The following INPP5D variants were observed in gnomAD, a reference collection of about 807,000 sequenced individuals.
INPP5D encodes the protein inositol polyphosphate-5-phosphatase D, also known as phosphatidylinositol 3,4,5-trisphosphate 5-phosphatase 1.
INPP5D carries 33 observed loss-of-function variants against 122.9 expected under a neutral mutation model. That is an observed-to-expected ratio of 0.27 (90% CI 0.20 to 0.36). The LOEUF (loss-of-function observed/expected upper bound fraction) is 0.36, where lower values mean the gene tolerates loss of function less well. Ranked by LOEUF, INPP5D falls within the 10% of genes least tolerant of loss-of-function variation. INPP5D has a pLI of 1.00. For synonymous variants in INPP5D, 584 were observed against 576.2 expected (o/e 1.01, Z -0.19); for missense variants, 1,053 against 1,412.7 (o/e 0.75, Z 4.08).
Position 233,078,677 on chromosome 2 carries a change from T to TTTTTGTTTTG in INPP5D, c.135-642_135-633dup, listed in dbSNP as rs376630143. The stretch of plus-strand genomic sequence containing the variant: ...CAAACACCCCCTCTTTTTTGTTGTT[T>TTTTTGTTTTG]TTTTGTTTTGTTTTGTTTTGTTTTG... On this transcript the variant is annotated intron_variant, in intron 1 of 26. Transcript: ENST00000445964. This position sits in a 1 kb window ranked among gnomAD's most constrained non-coding sequence, Gnocchi z 4.6. Among the ~76,000 whole-genome samples the TTTTTGTTTTG allele has an allele frequency of 1.3e-5, 2 of 151,500 alleles. No individual in the cohort carries two copies. Among genetic ancestry groups the TTTTTGTTTTG allele is most frequent in the Non-Finnish European group, 2.9e-5 (2 of 67,924 alleles).
At chr2:233,137,853 AATATATATATAT>A (rs1160357196) in intron 5 of INPP5D, among the ~76,000 whole-genome samples, 589 of 27,636 alleles carry the variant, frequency 0.021, 27 homozygotes, top group Middle Eastern at 0.05. Context: ...AAAAAAAAAA[AATATATATATAT>A]ATATATATAT....
chr2:233,165,097 G>GTGTGAGTAGGTCTGTGTA (rs1407095365), intron 13 of INPP5D, among the ~76,000 whole-genome samples: 1 of 152,180 alleles, frequency 6.6e-6, no homozygotes, highest in East Asian at 1.9e-4. Context: ...TAGGATGTGT[G>GTGTGAGTAGGTCTGTGTA]TGTGAGTAGG....
Position 233,141,900 on chromosome 2 carries a change from G to A in INPP5D, c.753+1971G>A, listed in dbSNP as rs1053567892. Among the ~76,000 whole-genome samples the A allele has an allele frequency of 2.9e-3, 443 of 152,282 alleles. 1 individual carries two copies. Among genetic ancestry groups the A allele is most frequent in the African/African-American group, 0.01 (424 of 41,546 alleles). On this transcript the variant is annotated intron_variant, in intron 6 of 26. Transcript: ENST00000445964. Reference sequence around the variant, plus strand: ...AGTTTAGGTTTTCTACGGAGAACACGAATTTGTATTTTACTTGTGCAACTT... The same window carrying A: ...AGTTTAGGTTTTCTACGGAGAACACAAATTTGTATTTTACTTGTGCAACTT...
At position 233,185,714 on chromosome 2, in the gene INPP5D, T is replaced by TTA. The variant is rs1553593863; in HGVS notation, c.2276-129_2276-128insTA. 3.4e-4 allele frequency: 215 copies of TTA among 626,712 alleles called. No individual in the cohort carries two copies. In the African/African-American group the frequency reaches 5.8e-3, roughly 17 times the overall value. 38.8% of individuals were successfully genotyped at this position (626,712 alleles called of 1,614,324 possible). ...CCTAAATGATGCTGAGGCCCCGAGA[T>TTA]AAAAAAAAAAAAAAAAAAAAAAAGG... On this transcript the variant is annotated intron_variant, in intron 20 of 26. Transcript: ENST00000445964.
chr2:233,151,188 T>C (rs571395239), intron 9 of INPP5D, among the ~76,000 whole-genome samples: 9 of 152,218 alleles, frequency 5.9e-5, no homozygotes, highest in African/African-American at 1.7e-4. Context: ...AAGAATGGGC[T>C]ATGCATGGGT....
chr2:233,151,399 C>T (rs2106283968), intron 9 of INPP5D, among the ~76,000 whole-genome samples: 1 of 152,180 alleles, frequency 6.6e-6, no homozygotes, highest in South Asian at 2.1e-4. Context: ...GACTGCCAGC[C>T]CACTCTCCGG....
intron 17 of INPP5D, among the ~76,000 whole-genome samples, chr2:233,173,102 G>A (rs529273459): frequency 5.3e-5 from 8 of 152,110 alleles, no homozygotes; most frequent in East Asian, 1.9e-4. Flanking sequence ...CCAGCTACTC[G>A]GGAGGCTGAG....
At chr2:233,173,797 G>C (rs1694551671) in intron 17 of INPP5D, among the ~76,000 whole-genome samples, 1 of 152,156 alleles carries the variant, frequency 6.6e-6, no homozygotes, top group Admixed American at 6.5e-5. Flanking sequence ...GCTAGGCGTA[G>C]TGGTGTGCAC....
intron 25 of INPP5D, among the ~76,000 whole-genome samples, chr2:233,203,718 TCC>T (rs1323505850): frequency 6.6e-6 from 1 of 151,974 alleles, no homozygotes; most frequent in Non-Finnish European, 1.5e-5. Flanking sequence ...ATAGTGAGAC[TCC>T]CCATCTCTAC....
intron 25 of INPP5D, among the ~76,000 whole-genome samples, chr2:233,199,748 G>A (rs962510033): frequency 1.3e-5 from 2 of 151,834 alleles, no homozygotes; most frequent in African/African-American, 4.8e-5. Context: ...AGAATCACTT[G>A]AACCCGGGAC....
intron 18 of INPP5D, among the ~76,000 whole-genome samples, chr2:233,180,271 C>A (rs941939622): frequency 6.6e-6 from 1 of 152,028 alleles, no homozygotes; most frequent in Non-Finnish European, 1.5e-5. Flanking sequence ...TGAGGGTCAC[C>A]CATCTTACAG....
intron 17 of INPP5D, among the ~76,000 whole-genome samples, chr2:233,173,951 A>G (rs1189422852): frequency 6.6e-6 from 1 of 152,072 alleles, no homozygotes; most frequent in Non-Finnish European, 1.5e-5. Flanking sequence ...AACAAAAACC[A>G]TAAATGCACA....
At chr2:233,136,763 G>A (rs762255187) in intron 5 of INPP5D, among the ~76,000 whole-genome samples, 9 of 152,166 alleles carry the variant, frequency 5.9e-5, no homozygotes, top group Non-Finnish European at 7.3e-5. Context: ...GAAAGGAGAC[G>A]AGGAGGACAA....
At chr2:233,166,593 C>G (rs1292495029) in intron 13 of INPP5D, among the ~76,000 whole-genome samples, 1 of 146,032 alleles carries the variant, frequency 6.8e-6, no homozygotes, top group Non-Finnish European at 1.5e-5. Context: ...ACACACCTTC[C>G]CCTCCTTCCC....
chr2:233,109,528 G>A (rs190194080), intron 2 of INPP5D, among the ~76,000 whole-genome samples: 1 of 152,248 alleles, frequency 6.6e-6, no homozygotes, highest in Non-Finnish European at 1.5e-5. Context: ...GAATGTTTTT[G>A]TATGATAAAA....
At chr2:233,169,247 C>T in intron 13 of INPP5D, 58 bp from the exon 14 acceptor site, 1 of 1,550,578 alleles carries the variant, frequency 6.4e-7, no homozygotes, top group South Asian at 1.2e-5. Context: ...TGATTTCTGG[C>T]CCCTTGGCAA....
intron 2 of INPP5D, among the ~76,000 whole-genome samples, chr2:233,114,902 T>A (rs1219716498): frequency 6.6e-6 from 1 of 151,910 alleles, no homozygotes; most frequent in Non-Finnish European, 1.5e-5. Flanking sequence ...AGTTTCGCTC[T>A]TGTCACCCAG....
chr2:233,114,430 G>A (rs1322983496), intron 2 of INPP5D, among the ~76,000 whole-genome samples: 1 of 152,228 alleles, frequency 6.6e-6, no homozygotes, highest in African/African-American at 2.4e-5. Context: ...GAGAGGCCAG[G>A]CCGGGAGGAG....
chr2:233,116,706 C>T (rs1321151249), intron 2 of INPP5D, among the ~76,000 whole-genome samples: 1 of 152,276 alleles, frequency 6.6e-6, no homozygotes, highest in East Asian at 1.9e-4. Context: ...AAGCGATTCT[C>T]CCGCCTCAGC....
Sources: allele counts gnomAD v4.1 joint callset (sites outside exome capture counted in the v4.1 genomes callset), GRCh38; gene constraint gnomAD v4.1.1; non-coding constraint Gnocchi (gnomAD v3.1); transcripts MANE v1.5; gene names NCBI Gene and HGNC (gene_info 2026-07-23, HGNC 2026-07-21).